HPSE2: variants seen among roughly 807,000 people sequenced by gnomAD.
HPSE2 encodes inactive heparanase-2.
Under a neutral mutation model 60.5 loss-of-function variants are expected in HPSE2, and 38 were observed. The observed-to-expected ratio is 0.63, with a 90% CI of 0.48 to 0.82. The LOEUF (loss-of-function observed/expected upper bound fraction) is 0.82. Among genes scored for constraint, HPSE2 ranks in the 40% least tolerant of loss-of-function variants. The probability of loss-of-function intolerance (pLI) is 0.00; values close to 1 mark genes in which losing one functional copy is unlikely to be tolerated. For missense variants in HPSE2, 713 were observed against 740.4 expected, an observed-to-expected ratio of 0.96 and a Z score of 0.43; for synonymous variants, 295 against 293.2, an observed-to-expected ratio of 1.01 and a Z score of -0.06.
chr10:99,239,141 A>C (rs1462765098), upstream of HPSE2, among the ~76,000 whole-genome samples: 1 of 152,044 alleles, frequency 6.6e-6, no homozygotes, highest in Non-Finnish European at 1.5e-5. Context: ...CCTGGGTGAC[A>C]AGAGCAAGAC....
chr10:99,245,726 T>G, the HPSE2 span, among the ~76,000 whole-genome samples: 1 of 152,234 alleles, frequency 6.6e-6, no homozygotes, highest in Admixed American at 6.5e-5. Context: ...TGGCAATACT[T>G]AGTGAAATTA....
intron 3 of HPSE2, among the ~76,000 whole-genome samples, chr10:98,939,600 C>T (rs935307487): frequency 7.0e-6 from 1 of 143,434 alleles, no homozygotes; most frequent in African/African-American, 2.9e-5. Context: ...GAGTGACCTA[C>T]AAAGAGACTT....
At chr10:98,906,852 C>T (rs1590053928) in intron 3 of HPSE2, among the ~76,000 whole-genome samples, 1 of 151,118 alleles carries the variant, frequency 6.6e-6, no homozygotes, top group African/African-American at 2.4e-5. Context: ...TGCAGTGAGC[C>T]GAGATTGTGC....
chr10:98,668,314 A>G (rs1397657643), intron 6 of HPSE2, among the ~76,000 whole-genome samples: 1 of 152,236 alleles, frequency 6.6e-6, no homozygotes, highest in Non-Finnish European at 1.5e-5. Context: ...GGAAGAATCA[A>G]TATTGTTAAA....
intron 2 of HPSE2, among the ~76,000 whole-genome samples, chr10:99,227,774 A>C (rs1849517294): frequency 6.6e-6 from 1 of 150,510 alleles, no homozygotes; most frequent in South Asian, 2.1e-4. Context: ...TCCTATAAAG[A>C]ATTTGCATTC....
intron 3 of HPSE2, among the ~76,000 whole-genome samples, chr10:98,977,838 A>G (rs1436258498): frequency 1.3e-5 from 2 of 151,662 alleles, no homozygotes; most frequent in Admixed American, 6.6e-5. Flanking sequence ...TATGTATCTT[A>G]TACAGATTAT....
At chr10:99,175,690 G>A (rs910104024) in intron 2 of HPSE2, among the ~76,000 whole-genome samples, 8 of 152,224 alleles carry the variant, frequency 5.3e-5, no homozygotes, top group African/African-American at 7.2e-5. Flanking sequence ...AGCTGCAGGC[G>A]CAGCTTCAGC....
rs75620584 is a variant in HPSE2 at position 98,480,573 on chromosome 10, G to A, written c.1613+2063C>T. On this transcript the variant is annotated intron_variant, in intron 11 of 11. Transcript: ENST00000370552. The stretch of plus-strand genomic sequence containing the variant: ...AGCAGGGGAATCATCTTGGAGGCAG[G>A]GACGTAGGGGTGGGGTAAATAGGTT... Among the ~76,000 whole-genome samples, 600 of 152,250 alleles carry A rather than the reference G, an allele frequency of 3.9e-3. 4 individuals carry two copies. Among genetic ancestry groups the A allele is most frequent in the Admixed American group, 5.0e-3 (77 of 15,296 alleles).
At chr10:99,089,873 T>C (rs180938705) in intron 3 of HPSE2, among the ~76,000 whole-genome samples, 1 of 152,304 alleles carries the variant, frequency 6.6e-6, no homozygotes, top group African/African-American at 2.4e-5. Context: ...ATAGTTTTCC[T>C]TGTAGAGTTC....
intron 11 of HPSE2, among the ~76,000 whole-genome samples, chr10:98,479,381 G>A (rs1941145387): frequency 6.6e-6 from 1 of 152,124 alleles, no homozygotes; most frequent in Admixed American, 6.5e-5. Flanking sequence ...TGGCCCCAGA[G>A]GCTTATAAAA....
intron 3 of HPSE2, among the ~76,000 whole-genome samples, chr10:99,020,646 T>C (rs368253650): frequency 2.0e-5 from 3 of 152,322 alleles, no homozygotes; most frequent in African/African-American, 7.2e-5. Context: ...TGCAAGTGTA[T>C]GTGTTGAGGG....
intron 3 of HPSE2, among the ~76,000 whole-genome samples, chr10:98,887,914 T>G (rs1333337881): frequency 3.2e-5 from 3 of 95,078 alleles, no homozygotes; most frequent in Non-Finnish European, 6.2e-5. Context: ...ACCCTAAAAC[T>G]TAATGTATAA....
At chr10:99,011,463 T>A (rs1260700458) in intron 3 of HPSE2, among the ~76,000 whole-genome samples, 1 of 151,918 alleles carries the variant, frequency 6.6e-6, no homozygotes, top group Non-Finnish European at 1.5e-5. Context: ...TTTCAAGCCA[T>A]GAAAGATATA....
At chr10:98,930,607 G>A (rs1954616196) in intron 3 of HPSE2, among the ~76,000 whole-genome samples, 1 of 144,722 alleles carries the variant, frequency 6.9e-6, no homozygotes, top group South Asian at 2.1e-4. Context: ...CACCAACAGT[G>A]TACAAGCGTT....
chr10:98,584,234 A>T (rs549678043), intron 9 of HPSE2, among the ~76,000 whole-genome samples: 2 of 152,222 alleles, frequency 1.3e-5, no homozygotes, highest in Non-Finnish European at 2.9e-5. Flanking sequence ...CATAAAACAT[A>T]CATTAACTCC....
At chr10:98,772,517 T>C (rs961621790) in intron 3 of HPSE2, among the ~76,000 whole-genome samples, 3 of 152,122 alleles carry the variant, frequency 2.0e-5, no homozygotes, top group Non-Finnish European at 4.4e-5. Context: ...TTTACTCAGG[T>C]GACTGTAAAC....
intron 4 of HPSE2, among the ~76,000 whole-genome samples, chr10:98,735,540 A>C: frequency 6.6e-6 from 1 of 151,780 alleles, no homozygotes; most frequent in East Asian, 2.0e-4. Flanking sequence ...TTTAGACCTC[A>C]GAAAAGCTCC....
intron 3 of HPSE2, among the ~76,000 whole-genome samples, chr10:99,018,558 C>T (rs1957192771): frequency 6.6e-6 from 1 of 151,914 alleles, no homozygotes; most frequent in South Asian, 2.1e-4. Flanking sequence ...GTGTTTAGGC[C>T]CTAAAAGGGT....
intron 2 of HPSE2, among the ~76,000 whole-genome samples, chr10:99,171,579 T>C (rs1360435289): frequency 6.6e-6 from 1 of 152,178 alleles, no homozygotes; most frequent in Non-Finnish European, 1.5e-5. Context: ...TTAGTTAGAA[T>C]TGACTACACC....
Sources: gnomAD v4.1 joint callset for allele counts (sites outside exome capture counted in the v4.1 genomes callset) on GRCh38, gnomAD v4.1.1 for gene constraint, MANE v1.5 for transcripts, NCBI Gene and HGNC (gene_info 2026-07-23, HGNC 2026-07-21) for gene names.